The following AGK variants were observed in gnomAD, a reference collection of about 807,000 sequenced individuals.
AGK encodes the protein acylglycerol kinase.
In AGK, 52 loss-of-function variants were observed where a neutral mutation model predicts 66.4. The observed-to-expected ratio is 0.78, with a 90% confidence interval of 0.63 to 0.99. The LOEUF is 0.99. AGK is among the 50% of genes least tolerant of loss of function. AGK has a pLI of 0.00. For synonymous variants in AGK, 182 were observed against 181.1 expected, an observed-to-expected ratio of 1.00 and a Z score of -0.04; for missense variants, 451 against 506.6, an observed-to-expected ratio of 0.89 and a Z score of 1.05.
chr7:141,604,839 C>G (rs1330951766), intron 5 of AGK, among the ~76,000 whole-genome samples: 1 of 151,934 alleles, frequency 6.6e-6, no homozygotes, highest in Non-Finnish European at 1.5e-5. Flanking sequence ...GCCTCGGCCT[C>G]CAATTGTTCC....
chr7:141,651,478 G>C, intron 14 of AGK, 47 bp from the exon 15 acceptor site: 1 of 1,524,552 alleles, frequency 6.6e-7, no homozygotes, highest in East Asian at 2.2e-5. Context: ...GCAACCTAGT[G>C]CAGTTGCCAT....
intron 5 of AGK, among the ~76,000 whole-genome samples, chr7:141,601,739 G>A (rs775519462): frequency 7.2e-5 from 11 of 152,166 alleles, no homozygotes; most frequent in Non-Finnish European, 1.6e-4. Context: ...AAGGAGGCAA[G>A]CATAAATTAC....
chr7:141,577,102 G>A (rs940344363), intron 2 of AGK, among the ~76,000 whole-genome samples: 5 of 152,002 alleles, frequency 3.3e-5, no homozygotes, highest in Admixed American at 2.0e-4. Flanking sequence ...CTATCTAAGT[G>A]GACTCCCTCC....
At chr7:141,619,214 A>G (rs929657035) in intron 8 of AGK, among the ~76,000 whole-genome samples, 5 of 152,182 alleles carry the variant, frequency 3.3e-5, no homozygotes, top group African/African-American at 1.2e-4. Flanking sequence ...TTTATATAGA[A>G]AAATAAAGGA....
intron 13 of AGK, among the ~76,000 whole-genome samples, chr7:141,648,512 G>C (rs760912430): frequency 6.6e-6 from 1 of 152,134 alleles, no homozygotes; most frequent in East Asian, 1.9e-4. Context: ...GCTCTCAGAG[G>C]CCTCAAATCC....
At chr7:141,575,954 A>G (rs1309831357) in intron 2 of AGK, among the ~76,000 whole-genome samples, 1 of 152,090 alleles carries the variant, frequency 6.6e-6, no homozygotes, top group Admixed American at 6.5e-5. Flanking sequence ...TGGAATAGCT[A>G]TTTTGTCAAT....
chr7:141,568,961 A>G (rs1250840626), intron 2 of AGK, among the ~76,000 whole-genome samples: 2 of 152,202 alleles, frequency 1.3e-5, no homozygotes, highest in East Asian at 3.8e-4. Flanking sequence ...CACAGACACC[A>G]TAAATTCCTT....
intron 3 of AGK, chr7:141,593,469 T>C: frequency 1.5e-6 from 1 of 676,846 alleles, no homozygotes; most frequent in Non-Finnish European, 2.7e-6. Flanking sequence ...AATTTGTTTG[T>C]GTCTGCAGTT....
At chr7:141,559,124 A>C (rs1795281635) in intron 2 of AGK, among the ~76,000 whole-genome samples, 1 of 152,106 alleles carries the variant, frequency 6.6e-6, no homozygotes, top group Admixed American at 6.6e-5. Context: ...AGTTTCGTTA[A>C]GGCCCATTTG....
At chr7:141,621,591 A>AG (rs995980072) in intron 8 of AGK, 141 bp from the exon 9 acceptor site, 8 of 638,246 alleles carry the variant, frequency 1.3e-5, no homozygotes, top group African/African-American at 1.1e-4. Context: ...AGAGGGAAGG[A>AG]GGGGGAGAGA....
intron 6 of AGK, 118 bp downstream of exon 6, chr7:141,611,405 A>T: frequency 6.0e-6 from 4 of 664,308 alleles, no homozygotes; most frequent in Admixed American, 6.8e-5. Context: ...TTATTTTAGG[A>T]TTGTTGCTCT....
chr7:141,582,729 G>A (rs1042289421), intron 2 of AGK, among the ~76,000 whole-genome samples: 1 of 151,946 alleles, frequency 6.6e-6, no homozygotes, highest in Non-Finnish European at 1.5e-5. Flanking sequence ...CTTTTTAAGA[G>A]GAAATTGCTG....
intron 2 of AGK, among the ~76,000 whole-genome samples, chr7:141,565,363 A>G (rs1379883570): frequency 6.6e-6 from 1 of 152,138 alleles, no homozygotes; most frequent in Non-Finnish European, 1.5e-5. Flanking sequence ...CTAATTTCCC[A>G]AACTAGGCTA....
At chr7:141,603,311 A>T (rs1445246695) in intron 5 of AGK, among the ~76,000 whole-genome samples, 2 of 152,098 alleles carry the variant, frequency 1.3e-5, no homozygotes, top group Non-Finnish European at 2.9e-5. Flanking sequence ...GTATTTTGAG[A>T]CTTAGGTCAT....
intron 11 of AGK, among the ~76,000 whole-genome samples, chr7:141,637,942 T>A (rs1797208457): frequency 6.6e-6 from 1 of 152,228 alleles, no homozygotes; most frequent in Admixed American, 6.5e-5. Flanking sequence ...AAGGTCTTTA[T>A]ATACCAAGGG....
chr7:141,576,766 G>A (rs915139872), intron 2 of AGK, among the ~76,000 whole-genome samples: 8 of 152,052 alleles, frequency 5.3e-5, no homozygotes, highest in Non-Finnish European at 8.8e-5. Flanking sequence ...CAGGCCAGGC[G>A]TGGTGGCTCA....
rs1797604706 is a variant in AGK, at chr7:141,653,084, G to A, written c.*160G>A. The A allele has an allele frequency of 1.3e-6, 1 of 766,400 alleles. No individual in the cohort carries two copies. The highest frequency in any genetic ancestry group is 2.0e-6 in the Non-Finnish European group (1 of 489,086). 47.5% of individuals were successfully genotyped at this position (766,400 alleles called of 1,614,324 possible). On this transcript the variant is annotated 3_prime_UTR_variant, in exon 16 of 16. Coordinates refer to ENST00000649286, the MANE Select transcript of AGK (RefSeq NM_018238.4). ...CCACTCCAGCAGTGCTTCCCAAAGT[G>A]TGCTCTGTCACCTGCTTTGCAATCG...
chr7:141,590,682 CAT>C (rs974333664), intron 2 of AGK, among the ~76,000 whole-genome samples: 1 of 152,114 alleles, frequency 6.6e-6, no homozygotes, highest in African/African-American at 2.4e-5. Flanking sequence ...GAGTTAGTGA[CAT>C]GTTAATTATT....
chr7:141,652,168 A>G (rs1052045552), intron 15 of AGK, among the ~76,000 whole-genome samples: 4 of 152,368 alleles, frequency 2.6e-5, no homozygotes, highest in African/African-American at 9.6e-5. Flanking sequence ...ACATGTGGCC[A>G]TATATTACTG....
Sources: allele counts gnomAD v4.1 joint callset (sites outside exome capture counted in the v4.1 genomes callset), GRCh38; gene constraint gnomAD v4.1.1; transcripts MANE v1.5; gene names NCBI Gene and HGNC (gene_info 2026-07-23, HGNC 2026-07-21).